GRAMD2A: variants seen among roughly 807,000 people sequenced by gnomAD.
The protein encoded by GRAMD2A is GRAM domain containing 2A.
In GRAMD2A, 37 loss-of-function variants were observed where a neutral mutation model predicts 51.1. The ratio of observed to expected loss-of-function variants is 0.72; its 90% confidence interval spans 0.56 to 0.95. The LOEUF (loss-of-function observed/expected upper bound fraction) is 0.95. GRAMD2A is among the 40% of genes least tolerant of loss of function. The probability of loss-of-function intolerance (pLI) is 0.00; values close to 1 mark genes in which losing one functional copy is unlikely to be tolerated. For missense variants in GRAMD2A, 414 were observed against 426.9 expected (o/e 0.97, Z 0.27); for synonymous variants, 136 against 157.1 (o/e 0.87, Z 1.01).
Position 72,166,560 on chromosome 15 carries a change from C to G in GRAMD2A, c.543+72G>C. ...TGCTGGAGAGATGGGCGACCTCCCC[C>G]AACACCCTTGTGCAAGACCTGCATC... On this transcript the variant is annotated intron_variant, in intron 7 of 11. Coordinates refer to ENST00000309731, the MANE Select transcript of GRAMD2A (RefSeq NM_001012642.3). This position sits in a 1 kb window ranked among gnomAD's most constrained non-coding sequence, Gnocchi z 4.1. The G allele has an allele frequency of 3.4e-6, 4 of 1,159,880 alleles. No homozygotes were observed. Among genetic ancestry groups the G allele is most frequent in the Non-Finnish European group, 5.2e-6 (4 of 770,070 alleles). 71.8% of individuals were successfully genotyped at this position (1,159,880 alleles called of 1,614,324 possible).
At chr15:72,179,223 C>T (rs2081678933) in intron 1 of GRAMD2A, among the ~76,000 whole-genome samples, 4 of 152,238 alleles carry the variant, frequency 2.6e-5, no homozygotes, top group Non-Finnish European at 5.9e-5. Context: ...TTCCCAAGAC[C>T]TACCAAGTGA....
intron 1 of GRAMD2A, among the ~76,000 whole-genome samples, chr15:72,197,205 G>T (rs1349089502): frequency 6.6e-6 from 1 of 152,108 alleles, no homozygotes; most frequent in Non-Finnish European, 1.5e-5. Flanking sequence ...AGGCCGCGTC[G>T]TGCTGAGACA....
intron 1 of GRAMD2A, among the ~76,000 whole-genome samples, chr15:72,183,562 G>T (rs2081713480): frequency 6.6e-6 from 1 of 152,024 alleles, no homozygotes; most frequent in African/African-American, 2.4e-5. Flanking sequence ...GGGCATGGTG[G>T]CTCACGCCTG....
intron 8 of GRAMD2A, among the ~76,000 whole-genome samples, chr15:72,164,771 G>A (rs1271945696): frequency 6.6e-6 from 1 of 152,172 alleles, no homozygotes; most frequent in Non-Finnish European, 1.5e-5. Context: ...ATGGGCCACT[G>A]GTCCTGCATC....
rs2081594813 is a variant in GRAMD2A at position 72,170,141 on chromosome 15, C to T, written c.42-202G>A. On this transcript the variant is annotated intron_variant, in intron 1 of 11. Transcript: ENST00000309731. This position sits in a 1 kb window ranked among gnomAD's most constrained non-coding sequence, Gnocchi z 4.5. ...TGGCTGACGGAGTAGGCGGGTCTCA[C>T]ACAGCGTCTTTCCCGAAAGCCAGAA... 2 of 680,180 alleles carry T rather than the reference C, an allele frequency of 2.9e-6. No individual in the cohort carries two copies. Among genetic ancestry groups the T allele is most frequent in the Admixed American group, 2.0e-5 (1 of 49,288 alleles). The allele number at this position is 680,180 out of a possible 1,614,324, so 42.1% of individuals were successfully genotyped here. A position where few individuals can be genotyped will look rare whatever the true frequency, so the allele number is the denominator to read the frequency against.
intron 1 of GRAMD2A, among the ~76,000 whole-genome samples, chr15:72,191,715 A>G (rs1253606111): frequency 6.6e-6 from 1 of 152,234 alleles, no homozygotes; most frequent in African/African-American, 2.4e-5. Context: ...TGTAGGTCCA[A>G]CTCCCAATGT....
At chr15:72,193,172 G>T (rs1317305298) in intron 1 of GRAMD2A, among the ~76,000 whole-genome samples, 1 of 151,622 alleles carries the variant, frequency 6.6e-6, no homozygotes. Context: ...AATAAAGATT[G>T]GTTCAGTCGC....
Position 72,163,413 on chromosome 15 carries a change from C to A in GRAMD2A, c.809G>T (p.Trp270Leu). The change falls in exon 10 of 12, where the codon TGG becomes TTG. Residue 270 changes from tryptophan (W) to leucine (L), a missense_variant. Trp to Leu is a moderately conservative substitution (Grantham distance 61, BLOSUM62 -2). Transcript: ENST00000309731. ...GGRWAWPMPG[W>L]GPACPKKMPN... ...CATCTTCTTAGGGCAGGCAGGACCC[C>A]AGCCTGGCATGGGCCATGCCCACCT... 1 of 1,614,198 alleles carries A rather than the reference C, an allele frequency of 6.2e-7. No homozygotes were observed. The highest frequency in any genetic ancestry group is 8.5e-7 in the Non-Finnish European group (1 of 1,180,020).
At chr15:72,176,182 G>C (rs558168040) in intron 1 of GRAMD2A, 2 of 152,820 alleles carry the variant, frequency 1.3e-5, no homozygotes, top group African/African-American at 2.4e-5. Flanking sequence ...ACACCTGGGC[G>C]GGCCATGCCC....
At chr15:72,190,776 GC>G (rs916689610) in intron 1 of GRAMD2A, among the ~76,000 whole-genome samples, 1 of 152,168 alleles carries the variant, frequency 6.6e-6, no homozygotes, top group Non-Finnish European at 1.5e-5. Flanking sequence ...TGGGAAGAGA[GC>G]ATTTCACTTT....
chr15:72,173,074 G>T (rs1002769957), intron 1 of GRAMD2A, among the ~76,000 whole-genome samples: 2 of 152,138 alleles, frequency 1.3e-5, no homozygotes, highest in African/African-American at 4.8e-5. Context: ...GGATGACAAT[G>T]GGAAGGAGCT....
intron 4 of GRAMD2A, 108 bp from the exon 5 acceptor site, chr15:72,167,947 T>C: frequency 2.7e-6 from 2 of 749,288 alleles, no homozygotes; most frequent in South Asian, 3.0e-5. Flanking sequence ...AGGACCTGTC[T>C]TCCTCAGACT....
chr15:72,169,322 G>A (rs2140547744), intron 2 of GRAMD2A: 3 of 471,876 alleles, frequency 6.4e-6, no homozygotes, highest in South Asian at 6.0e-5. Context: ...CAAAGACCCT[G>A]TCCCATTTCT....
At chr15:72,189,743 C>A (rs192354179) in intron 1 of GRAMD2A, among the ~76,000 whole-genome samples, 52 of 152,232 alleles carry the variant, frequency 3.4e-4, no homozygotes, top group African/African-American at 1.1e-3. Context: ...ACCTATGAAG[C>A]AGGTTAGATG....
chr15:72,169,027 A>G, intron 2 of GRAMD2A, 31 bp from the exon 3 acceptor site: 1 of 1,605,542 alleles, frequency 6.2e-7, no homozygotes, highest in Non-Finnish European at 8.5e-7. Flanking sequence ...TTCGGGAACA[A>G]GGAACCCCAG....
intron 10 of GRAMD2A, chr15:72,162,624 G>A (rs563107199): frequency 1.0e-4 from 40 of 391,698 alleles, no homozygotes; most frequent in Admixed American, 9.7e-4. Context: ...TGAGCTCTGG[G>A]GGGAGCTCTG....
At position 72,163,368 on chromosome 15, in the gene GRAMD2A, G is replaced by C; in HGVS notation, c.854C>G (p.Ala285Gly). 6.2e-7 allele frequency: 1 copy of C among 1,614,096 alleles called. No individual in the cohort carries two copies. Among genetic ancestry groups the C allele is most frequent in the Admixed American group, 1.7e-5 (1 of 60,032 alleles). The change falls in exon 10 of 12, where the codon GCA becomes GGA. Residue 285 changes from alanine to glycine, a missense_variant. Ala to Gly is a moderately conservative substitution (Grantham distance 60). Coordinates refer to ENST00000309731, the MANE Select transcript of GRAMD2A (RefSeq NM_001012642.3). ...ATCCTCCTCATAGACAGCATTCTTT[G>C]CAGTGGGAGAGCAGTTCGGCATCTT... Reference protein sequence around the residue: ...PKKMPNCSPTAKNAVYEEDEL... With the variant: ...PKKMPNCSPTGKNAVYEEDEL...
intron 1 of GRAMD2A, among the ~76,000 whole-genome samples, chr15:72,183,589 G>C (rs1309172816): frequency 6.6e-6 from 1 of 151,938 alleles, no homozygotes; most frequent in East Asian, 1.9e-4. Flanking sequence ...CAGCAGTTTG[G>C]GAGGCCGAGG....
chr15:72,183,646 A>T (rs2081714559), intron 1 of GRAMD2A, among the ~76,000 whole-genome samples: 1 of 152,238 alleles, frequency 6.6e-6, no homozygotes, highest in African/African-American at 2.4e-5. Flanking sequence ...CCTGGCCAAC[A>T]TGGTGAAATC....
Sources: allele counts gnomAD v4.1 joint callset (sites outside exome capture counted in the v4.1 genomes callset), GRCh38; gene constraint gnomAD v4.1.1; non-coding constraint Gnocchi (gnomAD v3.1); transcripts MANE v1.5; gene names NCBI Gene and HGNC (gene_info 2026-07-23, HGNC 2026-07-21).